DNAH7: variants seen among roughly 807,000 people sequenced by gnomAD.
DNAH7 encodes the protein axonemal beta dynein heavy chain 7.
A neutral mutation model predicts 444.6 loss-of-function variants in DNAH7; 397 were observed. The observed-to-expected ratio is 0.89, with a 90% CI of 0.82 to 0.97. The LOEUF is 0.97. Among genes scored for constraint, DNAH7 ranks in the 50% least tolerant of loss-of-function variants. The pLI, the probability that DNAH7 is intolerant of heterozygous loss-of-function variation, is 0.00. For missense variants in DNAH7, 4,902 were observed against 4,800.8 expected, an observed-to-expected ratio of 1.02 and a Z score of -0.62; for synonymous variants, 1,636 against 1,624.4, an observed-to-expected ratio of 1.01 and a Z score of -0.17.
At chr2:195,959,259 C>T (rs1351648936) in intron 18 of DNAH7, among the ~76,000 whole-genome samples, 1 of 152,108 alleles carries the variant, frequency 6.6e-6, no homozygotes, top group East Asian at 1.9e-4. Flanking sequence ...TCTTTCAATG[C>T]TTATCACTGA....
chr2:195,879,657 TTAAG>T, intron 36 of DNAH7, among the ~76,000 whole-genome samples: 1 of 152,266 alleles, frequency 6.6e-6, no homozygotes, highest in African/African-American at 2.4e-5. Context: ...ACACTCAAAA[TTAAG>T]TACATACTTA....
intron 61 of DNAH7, among the ~76,000 whole-genome samples, chr2:195,758,931 G>T (rs1694212717): frequency 6.6e-6 from 1 of 152,216 alleles, no homozygotes; most frequent in Admixed American, 6.5e-5. Flanking sequence ...AGTGCTCTGG[G>T]GTTCTAAATA....
At chr2:195,975,822 C>G (rs1692152039) in intron 15 of DNAH7, among the ~76,000 whole-genome samples, 1 of 152,160 alleles carries the variant, frequency 6.6e-6, no homozygotes, top group African/African-American at 2.4e-5. Context: ...CAGAAGAAAA[C>G]CCACTGGCTT....
chr2:195,771,641 TTGG>T lies in DNAH7; in HGVS notation c.11433+16_11433+18del. 1 of 1,561,884 alleles carries T rather than the reference TTGG, an allele frequency of 6.4e-7. No homozygotes were observed. The stretch of plus-strand genomic sequence containing the variant: ...ATATATAATTTAATGGGGGTTTTTT[TTGG>T]TGTTTTTCACCTTACCTTGATTGCT... On this transcript the variant is annotated intron_variant, in intron 61 of 64. Transcript: ENST00000312428.
At chr2:195,939,005 C>A (rs867662483) in intron 19 of DNAH7, among the ~76,000 whole-genome samples, 10 of 152,218 alleles carry the variant, frequency 6.6e-5, no homozygotes, top group Middle Eastern at 3.4e-3. Context: ...ACTACCTGTG[C>A]GACCTTAGAT....
rs1692716396 is a variant in DNAH7 at position 195,737,742 on chromosome 2, C to T, written c.*179G>A. 1 of 565,978 alleles carries T rather than the reference C, an allele frequency of 1.8e-6. No homozygotes were observed. The highest frequency in any genetic ancestry group is 3.0e-5 in the East Asian group (1 of 33,748). The allele number at this position is 565,978 out of a possible 1,614,324, so 35.1% of individuals were successfully genotyped here. A position where few individuals can be genotyped will look rare whatever the true frequency, so the allele number is the denominator to read the frequency against. ...CTTTAGTCTTTATTTCAGAACATTT[C>T]CTTACATTTAAGTATGAGTCATATT... On this transcript the variant is annotated 3_prime_UTR_variant, in exon 65 of 65. Coordinates refer to ENST00000312428, the MANE Select transcript of DNAH7 (RefSeq NM_018897.3).
chr2:195,892,389 G>C (rs1277159152), intron 30 of DNAH7: 1 of 151,520 alleles, frequency 6.6e-6, no homozygotes, highest in East Asian at 1.9e-4. Context: ...GAGTGAAAAA[G>C]TTAATGTTGG....
intron 63 of DNAH7, among the ~76,000 whole-genome samples, chr2:195,745,440 T>G (rs552699005): frequency 2.0e-5 from 3 of 152,312 alleles, no homozygotes; most frequent in Non-Finnish European, 4.4e-5. Context: ...TGCAGGATGT[T>G]ATCCAGGAGA....
At chr2:195,908,795 T>G (rs1687189816) in intron 25 of DNAH7, among the ~76,000 whole-genome samples, 1 of 152,158 alleles carries the variant, frequency 6.6e-6, no homozygotes, top group East Asian at 1.9e-4. Flanking sequence ...TTTAAATGTT[T>G]TCATATTTTA....
At chr2:195,977,463 A>G (rs977657165) in intron 15 of DNAH7, among the ~76,000 whole-genome samples, 1 of 152,172 alleles carries the variant, frequency 6.6e-6, no homozygotes, top group Non-Finnish European at 1.5e-5. Flanking sequence ...GACAAAAGAA[A>G]AAGGGATAAA....
chr2:195,947,105 A>AAT (rs987388682), intron 19 of DNAH7, among the ~76,000 whole-genome samples: 2 of 147,900 alleles, frequency 1.4e-5, no homozygotes, highest in Admixed American at 6.8e-5. Context: ...ATATAATTAT[A>AAT]ATATATATAA....
intron 5 of DNAH7, among the ~76,000 whole-genome samples, chr2:196,045,370 CAGAG>C (rs146890472): frequency 0.038 from 5,664 of 150,924 alleles, 236 homozygotes; most frequent in African/African-American, 0.099. Flanking sequence ...AGAAAGGAGA[CAGAG>C]AGAGACAAAG....
intron 7 of DNAH7, among the ~76,000 whole-genome samples, chr2:196,026,357 T>C (rs1374204830): frequency 6.6e-6 from 1 of 152,184 alleles, no homozygotes; most frequent in Non-Finnish European, 1.5e-5. Context: ...GCTTACACTT[T>C]TAGGTAATTA....
At chr2:195,813,867 ATAAG>A (rs1004552567) in intron 51 of DNAH7, among the ~76,000 whole-genome samples, 67 of 152,264 alleles carry the variant, frequency 4.4e-4, no homozygotes, top group African/African-American at 1.5e-3. Flanking sequence ...TAACAATTAA[ATAAG>A]TAAGTAAAAC....
chr2:195,777,684 A>G (rs1423114242), intron 59 of DNAH7, 116 bp downstream of exon 59: 2 of 1,050,108 alleles, frequency 1.9e-6, no homozygotes, highest in Admixed American at 5.0e-5. Flanking sequence ...AAGAAAGCAC[A>G]GACAAGGGTA....
intron 36 of DNAH7, among the ~76,000 whole-genome samples, chr2:195,877,952 A>G (rs1045933618): frequency 5.3e-5 from 8 of 152,344 alleles, no homozygotes; most frequent in African/African-American, 1.9e-4. Context: ...AAGTAGGAAT[A>G]TATTTTTGTG....
At chr2:195,994,715 T>A in intron 12 of DNAH7, 1 of 489,722 alleles carries the variant, frequency 2.0e-6, no homozygotes, top group Middle Eastern at 3.4e-4. Context: ...ATTTGGTCTT[T>A]AAGACCACTA....
intron 8 of DNAH7, among the ~76,000 whole-genome samples, chr2:196,021,811 C>T (rs1461298773): frequency 1.3e-5 from 2 of 151,086 alleles, no homozygotes; most frequent in Non-Finnish European, 3.0e-5. Context: ...AACAAAGAAA[C>T]CCTATCTCAA....
At position 195,799,379 on chromosome 2, in the gene DNAH7, TG is replaced by T; in HGVS notation, c.10269del (p.Asp3423GlufsTer8). Reference sequence around the variant, plus strand: ...AAAATCAGTGGTGCACAGCAGTTACTGTCTCCAAATGCCTTGGCTAAATCAA... The same window carrying T: ...AAAATCAGTGGTGCACAGCAGTTACTTCTCCAAATGCCTTGGCTAAATCAA... The part of the protein sequence containing the change: ...PPFDLAKAFG[D>X]SNCCAPLIFV... On this transcript the variant is annotated frameshift_variant, in exon 55 of 65. Transcript: ENST00000312428. LOFTEE classifies it high-confidence loss of function. 1.9e-6 allele frequency: 3 copies of T among 1,612,956 alleles called. No individual in the cohort carries two copies. The highest frequency in any genetic ancestry group is 2.5e-6 in the Non-Finnish European group (3 of 1,179,458).
Sources: gnomAD v4.1 joint callset for allele counts (sites outside exome capture counted in the v4.1 genomes callset) on GRCh38, gnomAD v4.1.1 for gene constraint, MANE v1.5 for transcripts, NCBI Gene and HGNC (gene_info 2026-07-23, HGNC 2026-07-21) for gene names.